The following WDR7 variants were observed in gnomAD, a reference collection of about 807,000 sequenced individuals.
The protein encoded by WDR7 is WD repeat-containing protein 7.
In WDR7, 46 loss-of-function variants were observed where a neutral mutation model predicts 169.4. The observed-to-expected ratio is 0.27, with a 90% CI of 0.21 to 0.35. The LOEUF is 0.35. WDR7 is among the 10% of genes least tolerant of loss of function. The pLI is 1.00. For missense variants in WDR7, 1,534 were observed against 1,859.3 expected (o/e 0.83, Z 3.22); for synonymous variants, 612 against 666.8 (o/e 0.92, Z 1.27).
intron 12 of WDR7, among the ~76,000 whole-genome samples, chr18:56,708,717 C>G (rs1427953691): frequency 1.3e-5 from 2 of 152,028 alleles, no homozygotes; most frequent in East Asian, 3.9e-4. Context: ...GGTGGATCAC[C>G]TGAGGTCAGG....
At chr18:56,969,810 G>A (rs75470564) in intron 26 of WDR7, among the ~76,000 whole-genome samples, 2,236 of 152,152 alleles carry the variant, frequency 0.015, 16 homozygotes, top group African/African-American at 0.026. Context: ...TTATCTTATT[G>A]CTGGTGTTTA....
At chr18:56,949,156 T>TCTC (rs879455948) in intron 25 of WDR7, among the ~76,000 whole-genome samples, 3 of 143,966 alleles carry the variant, frequency 2.1e-5, no homozygotes, top group African/African-American at 7.5e-5. Flanking sequence ...CTCTCTCTCT[T>TCTC]TCCCTTTGGC....
chr18:56,689,118 T>G (rs1169909057), intron 7 of WDR7, among the ~76,000 whole-genome samples: 1 of 152,236 alleles, frequency 6.6e-6, no homozygotes, highest in Non-Finnish European at 1.5e-5. Flanking sequence ...ATCATCATAT[T>G]AAGACAATAC....
intron 20 of WDR7, among the ~76,000 whole-genome samples, chr18:56,820,359 A>AAAAAAAAAAAAAC (rs1044771844): frequency 7.8e-5 from 10 of 127,510 alleles, no homozygotes; most frequent in African/African-American, 2.8e-4. Context: ...AAAAAAAAAA[A>AAAAAAAAAAAAAC]AAAAACCACC....
intron 26 of WDR7, among the ~76,000 whole-genome samples, chr18:56,964,691 T>G (rs970407191): frequency 7.4e-4 from 112 of 152,206 alleles, no homozygotes; most frequent in African/African-American, 2.5e-3. Flanking sequence ...TCCAGCCTAT[T>G]TAGACATTTT....
intron 25 of WDR7, among the ~76,000 whole-genome samples, chr18:56,957,690 G>T (rs2047273745): frequency 6.6e-6 from 1 of 152,062 alleles, no homozygotes. Context: ...AATGTTAGCT[G>T]CACATAGTAG....
At chr18:56,945,879 A>G (rs1366591653) in intron 25 of WDR7, among the ~76,000 whole-genome samples, 2 of 152,242 alleles carry the variant, frequency 1.3e-5, no homozygotes, top group Non-Finnish European at 2.9e-5. Flanking sequence ...TGTGTTATGT[A>G]AAACCTTAAG....
chr18:56,678,152 C>G lies in WDR7; in HGVS notation c.160-1180C>G, dbSNP rs2025280923. Among the ~76,000 whole-genome samples the G allele has an allele frequency of 2.0e-5, 3 of 152,270 alleles. No individual in the cohort carries two copies. The South Asian group carries it at 6.2e-4, about 32-fold the overall frequency. The stretch of plus-strand genomic sequence containing the variant: ...TCTCTTAAATTTGTCTGATAGAACT[C>G]TGAATTCTTTCTCTGTGTTATCTTG... On this transcript the variant is annotated intron_variant, in intron 2 of 27. Coordinates refer to ENST00000254442, the MANE Select transcript of WDR7 (RefSeq NM_015285.3).
chr18:56,860,059 C>G (rs2045780879), intron 20 of WDR7, among the ~76,000 whole-genome samples: 1 of 152,126 alleles, frequency 6.6e-6, no homozygotes, highest in Non-Finnish European at 1.5e-5. Context: ...GGTTTCCATA[C>G]TCTTTCATTG....
chr18:56,779,878 A>C (rs1192546093), intron 18 of WDR7, among the ~76,000 whole-genome samples: 1 of 152,196 alleles, frequency 6.6e-6, no homozygotes, highest in African/African-American at 2.4e-5. Context: ...CTTCCCCCAG[A>C]ATTACACACT....
Position 56,672,682 on chromosome 18 carries a change from T to A in WDR7, c.159+8T>A. Reference sequence around the variant, plus strand: ...CTTTCAGTAGAACTGCAAGTGAGTATGTGAAATGCCTATTATACATTTTAG... The same window carrying A: ...CTTTCAGTAGAACTGCAAGTGAGTAAGTGAAATGCCTATTATACATTTTAG... On this transcript the variant is annotated splice_region_variant and intron_variant, in intron 2 of 27. Transcript: ENST00000254442. 1 of 1,601,568 alleles carries A rather than the reference T, an allele frequency of 6.2e-7. No homozygotes were observed. The highest frequency in any genetic ancestry group is 8.5e-7 in the Non-Finnish European group (1 of 1,174,630).
chr18:56,679,511 G>T, intron 3 of WDR7, 73 bp downstream of exon 3: 2 of 983,466 alleles, frequency 2.0e-6, no homozygotes, highest in Non-Finnish European at 1.4e-6. Flanking sequence ...TAAGTAGCGA[G>T]GTATTTTTTT....
intron 26 of WDR7, among the ~76,000 whole-genome samples, chr18:56,992,398 T>C (rs1412544992): frequency 1.3e-5 from 2 of 152,196 alleles, no homozygotes; most frequent in Non-Finnish European, 2.9e-5. Flanking sequence ...TCAAAAATGA[T>C]AGGACCAGTA....
chr18:56,656,281 T>G (rs1303229020), intron 1 of WDR7, among the ~76,000 whole-genome samples: 1 of 147,190 alleles, frequency 6.8e-6, no homozygotes, highest in African/African-American at 2.5e-5. Context: ...CTGTCACTGT[T>G]TTTTTTTTTT....
intron 20 of WDR7, among the ~76,000 whole-genome samples, chr18:56,871,683 G>A (rs1025665097): frequency 1.3e-5 from 2 of 151,804 alleles, no homozygotes; most frequent in Admixed American, 6.6e-5. Context: ...ACTAAATTTA[G>A]ACAATATTTG....
intron 14 of WDR7, among the ~76,000 whole-genome samples, chr18:56,739,901 CT>C (rs2043590228): frequency 7.4e-6 from 1 of 135,916 alleles, no homozygotes; most frequent in Non-Finnish European, 1.6e-5. Context: ...TGTATTTATA[CT>C]GCTTGGAGTT....
At chr18:56,880,906 G>T (rs1045507056) in intron 21 of WDR7, among the ~76,000 whole-genome samples, 4 of 152,156 alleles carry the variant, frequency 2.6e-5, no homozygotes, top group African/African-American at 7.2e-5. Flanking sequence ...AGAGTGGCAT[G>T]TGGCACCATA....
chr18:56,724,774 A>G (rs1030932460), intron 13 of WDR7, among the ~76,000 whole-genome samples: 2 of 151,964 alleles, frequency 1.3e-5, no homozygotes, highest in African/African-American at 2.4e-5. Context: ...TACTTTAGGT[A>G]TATCTCCTAA....
At chr18:56,981,494 G>A (rs1182489963) in intron 26 of WDR7, among the ~76,000 whole-genome samples, 1 of 152,130 alleles carries the variant, frequency 6.6e-6, no homozygotes, top group Non-Finnish European at 1.5e-5. Flanking sequence ...TGTAGAGTGA[G>A]AAGAAAATAG....
Sources: allele counts gnomAD v4.1 joint callset (sites outside exome capture counted in the v4.1 genomes callset), GRCh38; gene constraint gnomAD v4.1.1; transcripts MANE v1.5; gene names NCBI Gene and HGNC (gene_info 2026-07-23, HGNC 2026-07-21).